Variants in CAP2 observed in about 807,000 individuals in gnomAD.
CAP2 encodes adenylyl cyclase-associated protein 2.
In CAP2, 24 loss-of-function variants were observed where a neutral mutation model predicts 57.7. That is an observed-to-expected ratio of 0.42 (90% CI 0.30 to 0.58). The LOEUF is 0.58. Ranked by LOEUF, CAP2 falls within the 20% of genes least tolerant of loss-of-function variation. The pLI is 0.22. For missense variants in CAP2, 501 were observed against 590.3 expected (o/e 0.85, Z 1.57); for synonymous variants, 194 against 207.2 (o/e 0.94, Z 0.55).
At chr6:17,507,620 G>C (rs768032048) in intron 5 of CAP2, 21 bp from the exon 6 acceptor site, 26 of 1,450,046 alleles carry the variant, frequency 1.8e-5, no homozygotes, top group Non-Finnish European at 2.5e-5. Flanking sequence ...CTATGCTTGG[G>C]TGACGGTCCT....
At chr6:17,484,165 G>T (rs1311385503) in intron 4 of CAP2, among the ~76,000 whole-genome samples, 1 of 151,932 alleles carries the variant, frequency 6.6e-6, no homozygotes, top group East Asian at 1.9e-4. Context: ...TTTTTTGGCA[G>T]ACCGAAATCA....
intron 4 of CAP2, among the ~76,000 whole-genome samples, chr6:17,496,613 G>A (rs917131573): frequency 2.6e-5 from 4 of 151,954 alleles, no homozygotes; most frequent in Non-Finnish European, 4.4e-5. Context: ...GGTGTGAGCC[G>A]CCACTCCCAG....
intron 1 of CAP2, among the ~76,000 whole-genome samples, chr6:17,419,297 A>AC (rs1759367966): frequency 6.6e-6 from 1 of 152,234 alleles, no homozygotes; most frequent in African/African-American, 2.4e-5. Context: ...AAATTTATTT[A>AC]CCCCTGCTTT....
intron 4 of CAP2, among the ~76,000 whole-genome samples, chr6:17,471,259 G>A (rs1259198979): frequency 6.6e-6 from 1 of 152,214 alleles, no homozygotes; most frequent in Non-Finnish European, 1.5e-5. Flanking sequence ...GAATCTTCCT[G>A]AAAGATTTGG....
At chr6:17,446,239 A>G (rs528038870) in intron 3 of CAP2, among the ~76,000 whole-genome samples, 5 of 152,366 alleles carry the variant, frequency 3.3e-5, no homozygotes, top group African/African-American at 1.2e-4. Flanking sequence ...TGAAATGAAA[A>G]ATAGTCATCT....
chr6:17,496,420 G>A (rs1761670569), intron 4 of CAP2, among the ~76,000 whole-genome samples: 1 of 152,170 alleles, frequency 6.6e-6, no homozygotes, highest in Admixed American at 6.5e-5. Context: ...CAGGAAGCAC[G>A]GCTCATGTTG....
intron 1 of CAP2, among the ~76,000 whole-genome samples, chr6:17,398,787 G>A (rs1034364180): frequency 1.1e-4 from 16 of 152,206 alleles, no homozygotes; most frequent in African/African-American, 3.4e-4. Context: ...GCCTCCCAAA[G>A]TGCTGGAATT....
intron 7 of CAP2, among the ~76,000 whole-genome samples, chr6:17,523,455 A>T (rs1186301616): frequency 6.6e-6 from 1 of 152,150 alleles, no homozygotes; most frequent in Non-Finnish European, 1.5e-5. Context: ...AATTCACTGA[A>T]GGGGGAGACC....
intron 7 of CAP2, among the ~76,000 whole-genome samples, chr6:17,532,296 ATGCC>A (rs1307236771): frequency 1.3e-5 from 2 of 151,110 alleles, no homozygotes; most frequent in African/African-American, 4.8e-5. Context: ...GTGTGCCACC[ATGCC>A]TGGCTAATTT....
In CAP2 at chr6:17,556,516, A is replaced by G. The variant is rs1763319316; in HGVS notation, c.*74A>G. The G allele has an allele frequency of 9.6e-7, 1 of 1,043,232 alleles. No homozygotes were observed. Among genetic ancestry groups the G allele is most frequent in the Non-Finnish European group, 1.5e-6 (1 of 660,798 alleles). The allele number at this position is 1,043,232 out of a possible 1,614,324, so 64.6% of individuals were successfully genotyped here. A position where few individuals can be genotyped will look rare whatever the true frequency, so the allele number is the denominator to read the frequency against. On this transcript the variant is annotated 3_prime_UTR_variant, in exon 13 of 13. Transcript: ENST00000229922. ...AACAAAAAAGCAGCAGTAAAGAGCT[A>G]GAAGTTGCAGTAGCCCCTACTGCTT...
chr6:17,463,098 G>C, intron 4 of CAP2, 25 bp downstream of exon 4: 1 of 1,506,436 alleles, frequency 6.6e-7, no homozygotes. Flanking sequence ...TGAGAGGGAA[G>C]GTGTCCCAGG....
intron 1 of CAP2, among the ~76,000 whole-genome samples, chr6:17,406,027 G>A (rs1338601271): frequency 6.6e-6 from 1 of 151,718 alleles, no homozygotes; most frequent in Admixed American, 6.6e-5. Context: ...AGGTGTGAGC[G>A]ACCGCGCCCA....
intron 3 of CAP2, among the ~76,000 whole-genome samples, chr6:17,438,653 A>G (rs1223054456): frequency 2.0e-5 from 3 of 147,044 alleles, no homozygotes; most frequent in East Asian, 4.4e-4. Context: ...GTTAGCCAGG[A>G]TGGTCTCAAT....
intron 1 of CAP2, among the ~76,000 whole-genome samples, chr6:17,421,117 C>G (rs1036136049): frequency 6.6e-6 from 1 of 152,150 alleles, no homozygotes; most frequent in African/African-American, 2.4e-5. Context: ...CCATGTTATT[C>G]TAAGTGAAGT....
At chr6:17,530,322 C>T (rs1762611545) in intron 7 of CAP2, among the ~76,000 whole-genome samples, 1 of 152,074 alleles carries the variant, frequency 6.6e-6, no homozygotes, top group South Asian at 2.1e-4. Flanking sequence ...CTCAAGTGGC[C>T]CTTCCACCTC....
At chr6:17,415,096 C>G (rs983991308) in intron 1 of CAP2, among the ~76,000 whole-genome samples, 4 of 152,098 alleles carry the variant, frequency 2.6e-5, no homozygotes, top group African/African-American at 9.7e-5. Context: ...GATTCATGAT[C>G]TTCAGAAGCC....
intron 1 of CAP2, among the ~76,000 whole-genome samples, chr6:17,412,165 T>A (rs1377678070): frequency 6.6e-6 from 1 of 152,094 alleles, no homozygotes; most frequent in Non-Finnish European, 1.5e-5. Flanking sequence ...GCCTCAGTTC[T>A]CACTGGGCTC....
At chr6:17,410,838 C>T (rs975081673) in intron 1 of CAP2, among the ~76,000 whole-genome samples, 7 of 152,116 alleles carry the variant, frequency 4.6e-5, no homozygotes, top group African/African-American at 1.7e-4. Context: ...GGACTACAGG[C>T]GTGAGCCACC....
At chr6:17,474,185 C>CTTTTTTTTTTTTTTTTTTTTTTTTTTT (rs544909381) in intron 4 of CAP2, among the ~76,000 whole-genome samples, 2 of 93,208 alleles carry the variant, frequency 2.1e-5, no homozygotes, top group African/African-American at 4.1e-5. Context: ...AAAAAACAGT[C>CTTTTTTTTTTTTTTTTTTTTTTTTTTT]TTTTTTTTTT....
Sources: gnomAD v4.1 joint callset for allele counts (sites outside exome capture counted in the v4.1 genomes callset) on GRCh38, gnomAD v4.1.1 for gene constraint, MANE v1.5 for transcripts, NCBI Gene and HGNC (gene_info 2026-07-23, HGNC 2026-07-21) for gene names.